NUBP1: variants seen among roughly 807,000 people sequenced by gnomAD.
NUBP1 encodes the protein NUBP iron-sulfur cluster assembly factor 1, cytosolic.
In NUBP1, 46 loss-of-function variants were observed where a neutral mutation model predicts 41.8. That is an observed-to-expected ratio of 1.10 (90% CI 0.87 to 1.41). The LOEUF (loss-of-function observed/expected upper bound fraction) is 1.41, where lower values mean the gene tolerates loss of function less well. NUBP1 is among the 40% of genes most tolerant of loss of function. NUBP1 has a pLI of 0.00. For missense variants in NUBP1, 494 were observed against 414.0 expected (o/e 1.19, Z -1.68); for synonymous variants, 189 against 154.6 (o/e 1.22, Z -1.65).
chr16:10,766,134 T>C lies in NUBP1; in HGVS notation c.821-1815T>C, dbSNP rs971868138. 1.3e-5 allele frequency: 2 copies of C among 152,456 alleles called. No individual in the cohort carries two copies. Among genetic ancestry groups the C allele is most frequent in the African/African-American group, 4.8e-5 (2 of 41,448 alleles). 9.4% of individuals were successfully genotyped at this position (152,456 alleles called of 1,614,324 possible). A position where few individuals can be genotyped will look rare whatever the true frequency, so the allele number is the denominator to read the frequency against. On this transcript the variant is annotated intron_variant, in intron 9 of 10. Transcript: ENST00000283027. This position sits in a 1 kb window ranked among gnomAD's most constrained non-coding sequence, Gnocchi z 4.8. ...TACAGATGCCAGCGCTCTGGTGCTA[T>C]GGGTCCTGGTCCCGGTGTGCTGAGG...
chr16:10,761,626 GTTCTT>G (rs755431529), intron 8 of NUBP1, 126 bp from the exon 9 acceptor site: 106 of 944,532 alleles, frequency 1.1e-4, no homozygotes, highest in African/African-American at 1.5e-4. Flanking sequence ...CTAAAGGAAA[GTTCTT>G]TAGGTGTTAA....
In NUBP1 at chr16:10,766,964, T is replaced by C. The variant is rs1416052645; in HGVS notation, c.821-985T>C. ...TCCTGACTCACTGGGCCATATGGGCTCCCCATCTCCCACCAACCCCTCCCC... is the reference window on the plus strand; with the variant it reads ...TCCTGACTCACTGGGCCATATGGGCCCCCCATCTCCCACCAACCCCTCCCC... On this transcript the variant is annotated intron_variant, in intron 9 of 10. Coordinates refer to ENST00000283027, the MANE Select transcript of NUBP1 (RefSeq NM_002484.4). The surrounding 1 kb of genome is among the most constrained non-coding windows in gnomAD (Gnocchi z 4.8). The C allele has an allele frequency of 5.0e-6, 2 of 398,528 alleles. No individual in the cohort carries two copies. The highest frequency in any genetic ancestry group is 8.8e-6 in the Non-Finnish European group (2 of 226,118). 24.7% of individuals were successfully genotyped at this position (398,528 alleles called of 1,614,324 possible).
Position 10,769,190 on chromosome 16 carries a change from A to T in NUBP1, c.*85A>T. On this transcript the variant is annotated 3_prime_UTR_variant, in exon 11 of 11. Transcript: ENST00000283027. ...CCAGCCAGACCCGACCAGCTCCGGGATGGGGTGGGTCACAGCAAAAGGACC... is the reference window on the plus strand; with the variant it reads ...CCAGCCAGACCCGACCAGCTCCGGGTTGGGGTGGGTCACAGCAAAAGGACC... The T allele has an allele frequency of 2.4e-6, 3 of 1,270,078 alleles. No individual in the cohort carries two copies. Among genetic ancestry groups the T allele is most frequent in the South Asian group, 2.4e-5 (2 of 81,674 alleles). 78.7% of individuals were successfully genotyped at this position (1,270,078 alleles called of 1,614,324 possible).
At position 10,752,671 on chromosome 16, in the gene NUBP1, G is replaced by A. The variant is rs750795525; in HGVS notation, c.320G>A (p.Gly107Glu). 1.6e-5 allele frequency: 26 copies of A among 1,613,610 alleles called. No individual in the cohort carries two copies. Among genetic ancestry groups the A allele is most frequent in the Non-Finnish European group, 2.1e-5 (25 of 1,179,684 alleles). ...ATTCCCAAGATAATGGGATTGGAAGGAGAGCAGGTAATAGCCGGTTACAGA... is the reference window on the plus strand; with the variant it reads ...ATTCCCAAGATAATGGGATTGGAAGAAGAGCAGGTAATAGCCGGTTACAGA... The part of the protein sequence containing the change: ...PSIPKIMGLE[G>E]EQVHQSGSGW... Residue 107 changes from glycine (G) to glutamate (E), a missense_variant, in exon 4 of 11, where the codon GGA becomes GAA. Transcript: ENST00000283027.
At chr16:10,752,749 C>G in intron 4 of NUBP1, 71 bp downstream of exon 4, 1 of 1,296,986 alleles carries the variant, frequency 7.7e-7, no homozygotes, top group East Asian at 2.3e-5. Context: ...ACTGTCAAAC[C>G]TCAACAAAGA....
chr16:10,761,073 ACCAT>A, intron 7 of NUBP1: 1 of 295,144 alleles, frequency 3.4e-6, no homozygotes, highest in Non-Finnish European at 6.5e-6. Flanking sequence ...CACTTACAAA[ACCAT>A]CAGATCTCGT....
Position 10,752,615 on chromosome 16 carries a change from T to C in NUBP1, c.264T>C (p.Ala88=). ...TGGTCTCTTCTTGTCCCCAGATTGCTCTTCTAGACATCGATATATGTGGGC... is the reference window on the plus strand; with the variant it reads ...TGGTCTCTTCTTGTCCCCAGATTGCCCTTCTAGACATCGATATATGTGGGC... ...GLAEDENTQI[A]LLDIDICGPS... is the part of the protein sequence containing the mutation. The change falls in exon 4 of 11, where the codon GCT becomes GCC. Residue 88 remains alanine, a synonymous_variant. Transcript: ENST00000283027. The C allele has an allele frequency of 6.2e-7, 1 of 1,613,528 alleles. No individual in the cohort carries two copies. Among genetic ancestry groups the C allele is most frequent in the Non-Finnish European group, 8.5e-7 (1 of 1,179,600 alleles).
At chr16:10,758,887 G>A (rs560211784) in intron 7 of NUBP1, among the ~76,000 whole-genome samples, 51 of 152,298 alleles carry the variant, frequency 3.3e-4, no homozygotes, top group African/African-American at 1.1e-3. Context: ...TGGTGAGCCC[G>A]AGCTGAGAGG....
At position 10,747,161 on chromosome 16, in the gene NUBP1, A is replaced by G. The variant is rs930212227; in HGVS notation, c.143A>G (p.Glu48Gly). ...TTTGCAGCTATAGAGGAAATCAAAG[A>G]GAAAATGAAGACTGTAAAACACAAA... ...TPDTAIEEIK[E>G]KMKTVKHKIL... The change falls in exon 3 of 11, where the codon GAG becomes GGG. Residue 48 changes from glutamate to glycine, a missense_variant. Glu to Gly is a moderately conservative substitution (Grantham distance 98). Transcript: ENST00000283027. 4.3e-6 allele frequency: 7 copies of G among 1,614,052 alleles called. No homozygotes were observed. Among genetic ancestry groups the G allele is most frequent in the South Asian group, 1.1e-5 (1 of 91,088 alleles).
At chr16:10,744,831 C>T (rs1352272611) in intron 2 of NUBP1, among the ~76,000 whole-genome samples, 1 of 149,854 alleles carries the variant, frequency 6.7e-6, no homozygotes, top group African/African-American at 2.5e-5. Context: ...GATCTCGGCT[C>T]ACTGCAACTT....
In NUBP1 at chr16:10,744,011, G is replaced by C; in HGVS notation, c.70G>C (p.Gly24Arg). 6.3e-7 allele frequency: 1 copy of C among 1,581,638 alleles called. No individual in the cohort carries two copies. The highest frequency in any genetic ancestry group is 8.5e-7 in the Non-Finnish European group (1 of 1,169,686). ...AQAGRGASCQ[G>R]CPNQRLCASG... ...GGCGGGCAGAGGGGCTTCATGTCAG[G>C]GATGCCCCAACCAGCGGCTGTGCGC... The change falls in exon 2 of 11, where the codon GGA becomes CGA. Residue 24 changes from glycine to arginine, a missense_variant. Physicochemically the swap from Gly to Arg is moderately radical, Grantham distance 125 (BLOSUM62 -2). Coordinates refer to ENST00000283027, the MANE Select transcript of NUBP1 (RefSeq NM_002484.4).
intron 4 of NUBP1, among the ~76,000 whole-genome samples, chr16:10,753,990 G>C (rs1471261476): frequency 6.6e-6 from 1 of 152,166 alleles, no homozygotes; most frequent in African/African-American, 2.4e-5. Flanking sequence ...ACCCTGTGAG[G>C]CTTGGTCACA....
In NUBP1 at chr16:10,768,901, C is replaced by T; in HGVS notation, c.905-146C>T. On this transcript the variant is annotated intron_variant, in intron 10 of 10. Coordinates refer to ENST00000283027, the MANE Select transcript of NUBP1 (RefSeq NM_002484.4). This position sits in a 1 kb window ranked among gnomAD's most constrained non-coding sequence, Gnocchi z 4.3. ...GAGGTATTCCGGTCACTTTCAAAGA[C>T]TCAGGGCATCACAGACACAGGTCTT... is the stretch of plus-strand genomic sequence containing the variant. 1 of 684,252 alleles carries T rather than the reference C, an allele frequency of 1.5e-6. No homozygotes were observed. 42.4% of individuals were successfully genotyped at this position (684,252 alleles called of 1,614,324 possible).
Position 10,757,976 on chromosome 16 carries a change from G to C in NUBP1, c.555G>C (p.Arg185=), listed in dbSNP as rs2142728157. The change falls in exon 7 of 11, where the codon CGG becomes CGC. Residue 185 remains arginine (R), a synonymous_variant. Coordinates refer to ENST00000283027, the MANE Select transcript of NUBP1 (RefSeq NM_002484.4). The surrounding 1 kb of genome is among the most constrained non-coding windows in gnomAD (Gnocchi z 4.1). ...GTSDEHLSVV[R]YLATAHIDGA... ...CGGATGAACACCTCTCGGTCGTCCG[G>C]TACCTGGCCACAGCACACATCGATG... is the stretch of plus-strand genomic sequence containing the variant. 4 of 1,614,038 alleles carry C rather than the reference G, an allele frequency of 2.5e-6. No homozygotes were observed. In the South Asian group the frequency reaches 3.3e-5, roughly 13 times the overall value.
rs35848081 is a variant in NUBP1, at chr16:10,768,308, T to TAA, written c.904+287_904+288dup. On this transcript the variant is annotated intron_variant, in intron 10 of 10. Transcript: ENST00000283027. The surrounding 1 kb of genome is among the most constrained non-coding windows in gnomAD (Gnocchi z 4.3). Reference sequence around the variant, plus strand: ...GTAATTCATTTTTAAAAGTAACTGATAAAAAAAAAAAAGGCCAGGTGCAGT... The same window carrying TAA: ...GTAATTCATTTTTAAAAGTAACTGATAAAAAAAAAAAAAAGGCCAGGTGCAGT... 83 of 175,566 alleles carry TAA rather than the reference T, an allele frequency of 4.7e-4. No individual in the cohort carries two copies. The highest frequency in any genetic ancestry group is 2.2e-3 in the South Asian group (17 of 7,870). The allele number at this position is 175,566 out of a possible 1,614,324, so 10.9% of individuals were successfully genotyped here.
chr16:10,758,112 C>A, intron 7 of NUBP1, 85 bp downstream of exon 7: 2 of 1,454,652 alleles, frequency 1.4e-6, no homozygotes, highest in South Asian at 1.2e-5. Context: ...ATACTCTGGT[C>A]TCACCAAGGC....
intron 7 of NUBP1, among the ~76,000 whole-genome samples, chr16:10,760,071 T>C (rs1017772565): frequency 1.3e-5 from 2 of 152,248 alleles, no homozygotes; most frequent in Admixed American, 6.5e-5. Context: ...AGTAATCACA[T>C]TGGAAAAACT....
chr16:10,751,087 C>T (rs1311693330), intron 3 of NUBP1, among the ~76,000 whole-genome samples: 1 of 152,180 alleles, frequency 6.6e-6, no homozygotes, highest in Non-Finnish European at 1.5e-5. Flanking sequence ...TTGTCAACAG[C>T]CTCTCGGGCC....
In NUBP1 at chr16:10,757,092, G is replaced by A. The variant is rs1900612047; in HGVS notation, c.451+312G>A. Among the ~76,000 whole-genome samples the A allele has an allele frequency of 6.6e-6, 1 of 152,114 alleles. No individual in the cohort carries two copies. The highest frequency in any genetic ancestry group is 2.4e-5 in the African/African-American group (1 of 41,402). ...AGGCAGGTGGATCACCTGAGGTCAG[G>A]AGTTCAAGACCAGCCTCGCCGACAT... On this transcript the variant is annotated intron_variant, in intron 6 of 10. Transcript: ENST00000283027. The surrounding 1 kb of genome is among the most constrained non-coding windows in gnomAD (Gnocchi z 4.1).
Sources: allele counts gnomAD v4.1 joint callset (sites outside exome capture counted in the v4.1 genomes callset), GRCh38; gene constraint gnomAD v4.1.1; non-coding constraint Gnocchi (gnomAD v3.1); transcripts MANE v1.5; gene names NCBI Gene and HGNC (gene_info 2026-07-23, HGNC 2026-07-21).